Variants in CAB39 observed in about 807,000 individuals in gnomAD.
CAB39 encodes calcium binding protein 39.
In CAB39, 8 loss-of-function variants were observed where a neutral mutation model predicts 40.0. The observed-to-expected ratio is 0.20, with a 90% CI of 0.12 to 0.36. CAB39 has a LOEUF of 0.36. CAB39 is among the 10% of genes least tolerant of loss of function. CAB39 has a pLI of 1.00. For missense variants in CAB39, 270 were observed against 401.1 expected (o/e 0.67, Z 2.79); for synonymous variants, 156 against 141.6 (o/e 1.10, Z -0.72).
chr2:230,743,073 A>G (rs1173348821), intron 1 of CAB39, among the ~76,000 whole-genome samples: 2 of 152,218 alleles, frequency 1.3e-5, no homozygotes, highest in Non-Finnish European at 2.9e-5. Flanking sequence ...GCCGTTCCTT[A>G]TGAATAGCTT....
At chr2:230,724,873 G>A (rs1434844839) in intron 1 of CAB39, among the ~76,000 whole-genome samples, 3 of 151,696 alleles carry the variant, frequency 2.0e-5, no homozygotes, top group African/African-American at 7.3e-5. Flanking sequence ...TGAGGGTGGG[G>A]GTGAGGGATG....
chr2:230,765,261 T>G (rs1695365858), intron 2 of CAB39, among the ~76,000 whole-genome samples: 1 of 152,202 alleles, frequency 6.6e-6, no homozygotes, highest in Admixed American at 6.5e-5. Flanking sequence ...TGGACTGACT[T>G]TTTTTAACTG....
intron 1 of CAB39, among the ~76,000 whole-genome samples, chr2:230,743,983 G>A (rs920393379): frequency 7.4e-5 from 11 of 148,150 alleles, no homozygotes; most frequent in Admixed American, 6.8e-4. Flanking sequence ...GCAATGGCAC[G>A]ATCTCAGCTC....
At chr2:230,783,469 TTTTGTTTTG>T (rs1367905766) in intron 2 of CAB39, among the ~76,000 whole-genome samples, 2 of 151,820 alleles carry the variant, frequency 1.3e-5, no homozygotes, top group Admixed American at 6.6e-5. Flanking sequence ...TTTTGTTTTG[TTTTGTTTTG>T]TTTGTTTTGA....
intron 1 of CAB39, among the ~76,000 whole-genome samples, chr2:230,757,694 C>T (rs1439336197): frequency 6.6e-6 from 1 of 152,102 alleles, no homozygotes; most frequent in South Asian, 2.1e-4. Context: ...ATTAAACATT[C>T]CCACCCTCCA....
chr2:230,802,307 A>G (rs1421699111), intron 5 of CAB39, among the ~76,000 whole-genome samples: 6 of 152,250 alleles, frequency 3.9e-5, no homozygotes, highest in African/African-American at 1.4e-4. Context: ...CACAAGAGAA[A>G]GCAGGAAAGA....
In CAB39 at chr2:230,802,800, C is replaced by T. The variant is rs1043956366; in HGVS notation, c.567+3903C>T. On this transcript the variant is annotated intron_variant, in intron 5 of 8. Coordinates refer to ENST00000258418, the MANE Select transcript of CAB39 (RefSeq NM_016289.4). Reference sequence around the variant, plus strand: ...CAACCAAAAAAACTCCAGGACCAGACGGATTCACAGCCAAATTCTGCCAGA... The same window carrying T: ...CAACCAAAAAAACTCCAGGACCAGATGGATTCACAGCCAAATTCTGCCAGA... Among the ~76,000 whole-genome samples, 87 of 152,296 alleles carry T rather than the reference C, an allele frequency of 5.7e-4. 1 individual carries two copies. Among genetic ancestry groups the T allele is most frequent in the African/African-American group, 1.7e-3 (71 of 41,572 alleles).
intron 4 of CAB39, among the ~76,000 whole-genome samples, chr2:230,798,171 G>A (rs2124965830): frequency 6.6e-6 from 1 of 152,232 alleles, no homozygotes; most frequent in Middle Eastern, 3.4e-3. Context: ...TCTCTGATGG[G>A]GACACTTTGT....
intron 1 of CAB39, among the ~76,000 whole-genome samples, chr2:230,740,445 A>G (rs945044575): frequency 2.6e-5 from 4 of 152,208 alleles, no homozygotes; most frequent in Non-Finnish European, 4.4e-5. Context: ...TTGAATAGGA[A>G]TAATTGTTCA....
intron 1 of CAB39, among the ~76,000 whole-genome samples, chr2:230,714,533 T>C (rs1337673586): frequency 6.6e-6 from 1 of 152,218 alleles, no homozygotes; most frequent in Non-Finnish European, 1.5e-5. Context: ...TTCGCTACAG[T>C]GCATAAAAAC....
intron 2 of CAB39, among the ~76,000 whole-genome samples, chr2:230,782,961 G>C (rs1695718946): frequency 6.9e-6 from 1 of 144,754 alleles, no homozygotes; most frequent in Non-Finnish European, 1.5e-5. Flanking sequence ...TACAGGCGCT[G>C]ACCACCACGC....
intron 1 of CAB39, among the ~76,000 whole-genome samples, chr2:230,734,059 T>C (rs1305542786): frequency 6.6e-6 from 1 of 152,226 alleles, no homozygotes; most frequent in Non-Finnish European, 1.5e-5. Flanking sequence ...ACTAGGCCAG[T>C]TTGGCCCTCT....
At chr2:230,779,693 CA>C (rs1431003843) in intron 2 of CAB39, among the ~76,000 whole-genome samples, 1 of 152,196 alleles carries the variant, frequency 6.6e-6, no homozygotes, top group Non-Finnish European at 1.5e-5. Flanking sequence ...AAATTGCCAT[CA>C]TAAGCGCTTT....
intron 5 of CAB39, among the ~76,000 whole-genome samples, chr2:230,802,199 C>A (rs146455861): frequency 1.7e-3 from 254 of 152,228 alleles, no homozygotes; most frequent in African/African-American, 5.7e-3. Flanking sequence ...GAAATAAATA[C>A]GTTCTTTGAA....
chr2:230,815,014 A>G (rs1375039990), intron 7 of CAB39, among the ~76,000 whole-genome samples: 1 of 152,182 alleles, frequency 6.6e-6, no homozygotes, highest in Non-Finnish European at 1.5e-5. Flanking sequence ...CCAAGATTCC[A>G]TCCACTCATC....
chr2:230,799,076 G>A, intron 5 of CAB39, 179 bp downstream of exon 5: 2 of 496,146 alleles, frequency 4.0e-6, no homozygotes, highest in Non-Finnish European at 7.0e-6. Context: ...TTAAAAGGGT[G>A]GAAAAGTTAG....
chr2:230,739,680 G>A (rs1694843509), intron 1 of CAB39, among the ~76,000 whole-genome samples: 1 of 152,204 alleles, frequency 6.6e-6, no homozygotes, highest in African/African-American at 2.4e-5. Flanking sequence ...TTTTAGTAGA[G>A]ACGGGGTTTC....
chr2:230,718,005 G>C (rs566737263), intron 1 of CAB39, among the ~76,000 whole-genome samples: 4 of 152,220 alleles, frequency 2.6e-5, no homozygotes, highest in African/African-American at 9.6e-5. Flanking sequence ...CTTTTGTCTT[G>C]GTACTCAGAA....
intron 1 of CAB39, among the ~76,000 whole-genome samples, chr2:230,746,375 A>G (rs1002477595): frequency 5.9e-5 from 9 of 152,208 alleles, no homozygotes; most frequent in African/African-American, 2.2e-4. Flanking sequence ...ACCTTAATCA[A>G]TGACTCATTC....
Sources: allele counts gnomAD v4.1 joint callset (sites outside exome capture counted in the v4.1 genomes callset), GRCh38; gene constraint gnomAD v4.1.1; transcripts MANE v1.5; gene names NCBI Gene and HGNC (gene_info 2026-07-23, HGNC 2026-07-21).